The following DLGAP1 variants were observed in gnomAD, a reference collection of about 807,000 sequenced individuals.
DLGAP1 encodes DLG associated protein 1, also known as disks large-associated protein 1.
Under a neutral mutation model 90.8 loss-of-function variants are expected in DLGAP1, and 11 were observed. The ratio of observed to expected loss-of-function variants is 0.12; its 90% CI spans 0.08 to 0.20. DLGAP1 has a LOEUF of 0.20. Ranked by LOEUF, DLGAP1 falls within the 10% of genes least tolerant of loss-of-function variation. DLGAP1 has a pLI of 1.00. For missense variants in DLGAP1, 1,050 were observed against 1,333.8 expected (o/e 0.79, Z 3.31); for synonymous variants, 558 against 540.7 (o/e 1.03, Z -0.44).
chr18:4,308,589 C>T (rs902386784), intron 1 of DLGAP1, among the ~76,000 whole-genome samples: 1 of 152,138 alleles, frequency 6.6e-6, no homozygotes, highest in Non-Finnish European at 1.5e-5. Flanking sequence ...AATCATAAAA[C>T]CTTTCCATCA....
intron 3 of DLGAP1, among the ~76,000 whole-genome samples, chr18:3,934,451 T>C (rs2072589635): frequency 6.6e-6 from 1 of 151,826 alleles, no homozygotes; most frequent in African/African-American, 2.4e-5. Context: ...TTGGTATAGA[T>C]GGATTGATGC....
intron 2 of DLGAP1, among the ~76,000 whole-genome samples, chr18:4,006,684 C>T (rs9960582): frequency 0.066 from 9,816 of 149,848 alleles, 934 homozygotes; most frequent in African/African-American, 0.21. Context: ...ATTGCTCTGT[C>T]GCCCAGGCTG....
At chr18:3,913,785 G>A (rs567724928) in intron 3 of DLGAP1, among the ~76,000 whole-genome samples, 6 of 152,014 alleles carry the variant, frequency 3.9e-5, no homozygotes, top group Non-Finnish European at 7.4e-5. Context: ...AATCTACTAC[G>A]GCATGTCTTG....
intron 7 of DLGAP1, among the ~76,000 whole-genome samples, chr18:3,633,099 C>A (rs768877852): frequency 2.0e-4 from 30 of 152,180 alleles, no homozygotes; most frequent in Non-Finnish European, 3.7e-4. Flanking sequence ...CTCTAGGTAC[C>A]ATCAAAGCCT....
chr18:3,776,792 A>T (rs2064959967), intron 5 of DLGAP1, among the ~76,000 whole-genome samples: 1 of 152,188 alleles, frequency 6.6e-6, no homozygotes, highest in South Asian at 2.1e-4. Flanking sequence ...ATTTCATTTA[A>T]TTAATTAATT....
chr18:3,521,638 T>A (rs970678681), intron 10 of DLGAP1, among the ~76,000 whole-genome samples: 4 of 152,140 alleles, frequency 2.6e-5, no homozygotes, highest in African/African-American at 9.7e-5. Context: ...CACCTCTCCC[T>A]CCTCACTGCT....
chr18:4,145,335 C>G (rs989326786), intron 2 of DLGAP1, among the ~76,000 whole-genome samples: 1 of 152,150 alleles, frequency 6.6e-6, no homozygotes, highest in African/African-American at 2.4e-5. Context: ...TAAATTATTT[C>G]TGACATAAAA....
At chr18:4,301,200 A>G (rs2080118021) in intron 1 of DLGAP1, among the ~76,000 whole-genome samples, 1 of 152,102 alleles carries the variant, frequency 6.6e-6, no homozygotes, top group African/African-American at 2.4e-5. Context: ...TATATTCACG[A>G]TGCTATGCAA....
chr18:3,963,743 G>C (rs185395388), intron 3 of DLGAP1, among the ~76,000 whole-genome samples: 1 of 152,172 alleles, frequency 6.6e-6, no homozygotes, highest in East Asian at 1.9e-4. Context: ...GGCTGTAGGT[G>C]TATCTTCTAT....
intron 1 of DLGAP1, among the ~76,000 whole-genome samples, chr18:4,328,210 A>G (rs905857943): frequency 6.6e-6 from 1 of 151,988 alleles, no homozygotes; most frequent in Non-Finnish European, 1.5e-5. Flanking sequence ...TATGTTAATA[A>G]ACCTGTTTTT....
intron 1 of DLGAP1, among the ~76,000 whole-genome samples, chr18:4,352,916 T>C (rs2081431063): frequency 6.6e-6 from 1 of 152,146 alleles, no homozygotes; most frequent in African/African-American, 2.4e-5. Context: ...GTTTAAGCAC[T>C]GGAGCCCTCG....
intron 1 of DLGAP1, among the ~76,000 whole-genome samples, chr18:4,265,854 C>CT (rs1227572122): frequency 6.6e-6 from 1 of 151,424 alleles, no homozygotes; most frequent in Admixed American, 6.6e-5. Context: ...TACCTGGCTA[C>CT]TTTTTTTGTT....
intron 1 of DLGAP1, among the ~76,000 whole-genome samples, chr18:4,179,780 T>A (rs1457778255): frequency 1.3e-5 from 2 of 152,188 alleles, no homozygotes; most frequent in African/African-American, 4.8e-5. Context: ...TCAAAACTTC[T>A]GGCAACTTGA....
chr18:3,899,980 C>CAAAAACA (rs1017269309), intron 3 of DLGAP1, among the ~76,000 whole-genome samples: 1 of 151,448 alleles, frequency 6.6e-6, no homozygotes, highest in African/African-American at 2.4e-5. Context: ...GGCATATATG[C>CAAAAACA]AAAAACAAAA....
intron 9 of DLGAP1, among the ~76,000 whole-genome samples, chr18:3,535,707 CA>C (rs1410171070): frequency 1.5e-3 from 171 of 112,598 alleles, no homozygotes; most frequent in Middle Eastern, 5.4e-3. Flanking sequence ...GATTCTGTCT[CA>C]AAAAAAAAAA....
intron 4 of DLGAP1, among the ~76,000 whole-genome samples, chr18:3,870,272 T>G (rs543055499): frequency 6.6e-6 from 1 of 152,314 alleles, no homozygotes; most frequent in South Asian, 2.1e-4. Flanking sequence ...CCTCTAAATA[T>G]TCAATGATAG....
intron 7 of DLGAP1, among the ~76,000 whole-genome samples, chr18:3,696,582 C>T (rs571994630): frequency 6.6e-6 from 1 of 152,202 alleles, no homozygotes; most frequent in East Asian, 1.9e-4. Flanking sequence ...TTTGAAGTGA[C>T]ACTTGGTTCG....
chr18:3,998,882 T>C (rs1396791437), intron 3 of DLGAP1, among the ~76,000 whole-genome samples: 1 of 152,156 alleles, frequency 6.6e-6, no homozygotes, highest in African/African-American at 2.4e-5. Flanking sequence ...AACAGGCAAA[T>C]TATTGTGTTT....
chr18:4,087,090 T>TACACACACAC (rs1237310092), intron 2 of DLGAP1, among the ~76,000 whole-genome samples: 8 of 85,986 alleles, frequency 9.3e-5, no homozygotes, highest in African/African-American at 3.8e-4. Flanking sequence ...TATATGTATA[T>TACACACACAC]ATGTATATAT....
Sources: gnomAD v4.1 joint callset for allele counts (sites outside exome capture counted in the v4.1 genomes callset) on GRCh38, gnomAD v4.1.1 for gene constraint, MANE v1.5 for transcripts, NCBI Gene and HGNC (gene_info 2026-07-23, HGNC 2026-07-21) for gene names.